LCOR: variants seen among roughly 807,000 people sequenced by gnomAD.
The protein encoded by LCOR is ligand dependent nuclear receptor corepressor, also known as ligand-dependent corepressor.
A neutral mutation model predicts 64.4 loss-of-function variants in LCOR; 14 were observed. The ratio of observed to expected loss-of-function variants is 0.22; its 90% CI spans 0.14 to 0.34. The LOEUF (loss-of-function observed/expected upper bound fraction) is 0.34, where lower values mean the gene tolerates loss of function less well. Ranked by LOEUF, LCOR falls within the 10% of genes least tolerant of loss-of-function variation. LCOR has a pLI of 1.00. For synonymous variants in LCOR, 643 were observed against 642.5 expected (o/e 1.00, Z -0.01); for missense variants, 1,686 against 1,765.3 (o/e 0.96, Z 0.80).
intron 4 of LCOR, among the ~76,000 whole-genome samples, chr10:96,939,301 A>G (rs1235865259): frequency 1.3e-4 from 20 of 152,252 alleles, no homozygotes; most frequent in Admixed American, 1.3e-3. Context: ...GAGTATCCAC[A>G]TGGAAGAGAA....
At chr10:96,876,442 G>A (rs1846165308) in intron 2 of LCOR, among the ~76,000 whole-genome samples, 1 of 152,092 alleles carries the variant, frequency 6.6e-6, no homozygotes, top group African/African-American at 2.4e-5. Flanking sequence ...AGCACATATT[G>A]AAATGGGAAA....
intron 7 of LCOR, among the ~76,000 whole-genome samples, chr10:96,975,182 A>G: frequency 6.6e-6 from 1 of 152,194 alleles, no homozygotes; most frequent in East Asian, 1.9e-4. Flanking sequence ...AAATAAAATA[A>G]TAAAATAAAT....
chr10:96,977,081 C>T (rs2134559213), intron 7 of LCOR, among the ~76,000 whole-genome samples: 1 of 152,256 alleles, frequency 6.6e-6, no homozygotes, highest in East Asian at 1.9e-4. Context: ...TAGTCACCTA[C>T]CTTGGAAACA....
At chr10:96,920,788 ACACGCG>A (rs760190280) in intron 4 of LCOR, among the ~76,000 whole-genome samples, 20,044 of 127,762 alleles carry the variant, frequency 0.16, 2,281 homozygotes, top group African/African-American at 0.29. Context: ...ACACACACAC[ACACGCG>A]CGGTGGGGGG....
Position 96,850,199 on chromosome 10 carries a change from T to C in LCOR, c.-330+16720T>C, listed in dbSNP as rs552856905. ...TGACCTTGATTAGATCTTGAAAGAG[T>C]AGATCCATCAGCATCACAGTGAACA... On this transcript the variant is annotated intron_variant, in intron 2 of 7. Transcript: ENST00000421806. Among the ~76,000 whole-genome samples the C allele has an allele frequency of 2.0e-5, 3 of 151,876 alleles. No homozygotes were observed. The East Asian group carries it at 5.8e-4, about 29-fold the overall frequency.
intron 2 of LCOR, among the ~76,000 whole-genome samples, chr10:96,850,366 A>G (rs991110980): frequency 6.6e-6 from 1 of 152,248 alleles, no homozygotes; most frequent in Non-Finnish European, 1.5e-5. Flanking sequence ...TCTGGACAAC[A>G]TAGTGAGACC....
At chr10:96,974,890 C>T (rs1055074601) in intron 7 of LCOR, among the ~76,000 whole-genome samples, 5 of 152,116 alleles carry the variant, frequency 3.3e-5, no homozygotes, top group African/African-American at 9.7e-5. Flanking sequence ...TGCTATTGGC[C>T]GGGTGCTGTG....
At chr10:96,929,330 C>G (rs750467608) in intron 4 of LCOR, among the ~76,000 whole-genome samples, 7 of 152,218 alleles carry the variant, frequency 4.6e-5, no homozygotes, top group Non-Finnish European at 2.9e-5. Flanking sequence ...TTCTGTATAA[C>G]TTGGTGCAGC....
At chr10:96,838,546 A>G (rs565620491) in intron 2 of LCOR, among the ~76,000 whole-genome samples, 85 of 152,306 alleles carry the variant, frequency 5.6e-4, no homozygotes, top group Middle Eastern at 6.8e-3. Context: ...GGATTTGTCT[A>G]TTCTGGACAT....
intron 7 of LCOR, among the ~76,000 whole-genome samples, chr10:96,965,300 C>T (rs180736340): frequency 2.0e-5 from 3 of 151,588 alleles, no homozygotes; most frequent in East Asian, 3.9e-4. Context: ...TGAGCCACTG[C>T]GCCAGACTGC....
At chr10:96,843,240 C>G (rs1401354541) in intron 2 of LCOR, among the ~76,000 whole-genome samples, 1 of 152,178 alleles carries the variant, frequency 6.6e-6, no homozygotes, top group Non-Finnish European at 1.5e-5. Flanking sequence ...ATCCTCCTGC[C>G]TCAGCCCCTG....
At chr10:96,842,632 C>CTTTT (rs976571447) in intron 2 of LCOR, among the ~76,000 whole-genome samples, 8 of 134,380 alleles carry the variant, frequency 6.0e-5, no homozygotes, top group South Asian at 2.4e-4. Flanking sequence ...CTTTTCTTTT[C>CTTTT]TTTTTTTTTT....
chr10:96,956,764 A>G, intron 7 of LCOR: 1 of 985,828 alleles, frequency 1.0e-6, no homozygotes, highest in South Asian at 4.7e-5. Context: ...CAGTCAGGGT[A>G]CATTACATAA....
rs779542034 is a variant in LCOR at position 96,980,910 on chromosome 10, C to T, written c.450C>T (p.Asn150=). The T allele has an allele frequency of 7.0e-5, 49 of 702,886 alleles. 1 individual carries two copies. Among genetic ancestry groups the T allele is most frequent in the East Asian group, 1.9e-4 (7 of 37,304 alleles). The allele number at this position is 702,886 out of a possible 1,614,324, so 43.5% of individuals were successfully genotyped here. A position where few individuals can be genotyped will look rare whatever the true frequency, so the allele number is the denominator to read the frequency against. The stretch of plus-strand genomic sequence containing the variant: ...AAAAGCAATTCATTCGTGTTCTGAA[C>T]GACCTGTACACTGAATCTCAACCAG... ...HHQKQFIRVL[N]DLYTESQPGT... is the part of the protein sequence containing the mutation. The change falls in exon 8 of 8, where the codon AAC becomes AAT. Residue 150 remains asparagine, a synonymous_variant. Transcript: ENST00000421806.
At chr10:96,893,528 G>A (rs985375900) in intron 2 of LCOR, among the ~76,000 whole-genome samples, 1 of 152,166 alleles carries the variant, frequency 6.6e-6, no homozygotes, top group Admixed American at 6.5e-5. Flanking sequence ...ACTTTGGGAG[G>A]CCGATGCAGG....
chr10:96,838,774 A>G (rs903916344), intron 2 of LCOR, among the ~76,000 whole-genome samples: 1 of 152,222 alleles, frequency 6.6e-6, no homozygotes, highest in Non-Finnish European at 1.5e-5. Flanking sequence ...ATTATGGATG[A>G]TGCTTCTCTG....
intron 4 of LCOR, among the ~76,000 whole-genome samples, chr10:96,915,034 T>C (rs889822306): frequency 2.0e-5 from 3 of 152,200 alleles, no homozygotes; most frequent in African/African-American, 7.2e-5. Context: ...TTTTGTGCCA[T>C]GGTGCCCACG....
intron 2 of LCOR, among the ~76,000 whole-genome samples, chr10:96,886,276 A>G (rs1385966862): frequency 6.6e-6 from 1 of 152,218 alleles, no homozygotes; most frequent in Non-Finnish European, 1.5e-5. Context: ...AGAGATATAC[A>G]GGTTGAGTGT....
intron 7 of LCOR, chr10:96,959,912 A>T (rs1051157299): frequency 1.3e-5 from 2 of 152,168 alleles, no homozygotes; most frequent in Admixed American, 1.3e-4. Context: ...TATTTGGTAC[A>T]CTTTTACTTT....
Sources: allele counts gnomAD v4.1 joint callset (sites outside exome capture counted in the v4.1 genomes callset), GRCh38; gene constraint gnomAD v4.1.1; transcripts MANE v1.5; gene names NCBI Gene and HGNC (gene_info 2026-07-23, HGNC 2026-07-21).